The following THSD7A variants were observed in gnomAD, a reference collection of about 807,000 sequenced individuals.
THSD7A encodes thrombospondin type-1 domain-containing protein 7A.
THSD7A carries 96 observed loss-of-function variants against 231.3 expected under a neutral mutation model. The ratio of observed to expected loss-of-function variants is 0.41; its 90% CI spans 0.35 to 0.49. The LOEUF is 0.49. Ranked by LOEUF, THSD7A falls within the 20% of genes least tolerant of loss-of-function variation. The pLI, the probability that THSD7A is intolerant of heterozygous loss-of-function variation, is 0.05. For missense variants in THSD7A, 2,290 were observed against 2,070.2 expected, an observed-to-expected ratio of 1.11 and a Z score of -2.06; for synonymous variants, 940 against 743.3, an observed-to-expected ratio of 1.26 and a Z score of -4.30.
rs776978417 is a variant in THSD7A, at chr7:11,446,143, G to A, written c.2982C>T (p.Cys994=). 3.5e-5 allele frequency: 56 copies of A among 1,613,226 alleles called. No homozygotes were observed. Among genetic ancestry groups the A allele is most frequent in the Non-Finnish European group, 4.4e-5 (52 of 1,179,606 alleles). ...TTGCTTGGTAACGATATCCTTGTCC[G>A]CATTCCTTGATGTCTCCTTGTACTT... ...GMKVQGDIKE[C]GQGYRYQAMA... is the part of the protein sequence containing the mutation. The change falls in exon 13 of 28, where the codon TGC becomes TGT. Residue 994 remains cysteine, a synonymous_variant. Transcript: ENST00000423059. This position sits in a 1 kb window ranked among gnomAD's most constrained non-coding sequence, Gnocchi z 4.0.
Position 11,377,883 on chromosome 7 carries a change from GT to G in THSD7A, c.4801+1186del, listed in dbSNP as rs1406183120. On this transcript the variant is annotated intron_variant, in intron 26 of 27. Coordinates refer to ENST00000423059, the MANE Select transcript of THSD7A (RefSeq NM_015204.3). This position sits in a 1 kb window ranked among gnomAD's most constrained non-coding sequence, Gnocchi z 4.5. Reference sequence around the variant, plus strand: ...ATTCTTTTTTTTTTCAAAAGGACTGGTTTTGATCTGAGGAGATCTGCTTCAA... The same window carrying G: ...ATTCTTTTTTTTTTCAAAAGGACTGGTTTGATCTGAGGAGATCTGCTTCAA... 6.6e-6 allele frequency: 1 copy of G among 151,614 alleles called. No homozygotes were observed. The highest frequency in any genetic ancestry group is 1.5e-5 in the Non-Finnish European group (1 of 67,904). 9.4% of individuals were successfully genotyped at this position (151,614 alleles called of 1,614,324 possible). A position where few individuals can be genotyped will look rare whatever the true frequency, so the allele number is the denominator to read the frequency against.
At chr7:11,581,155 T>G (rs1353830196) in intron 4 of THSD7A, among the ~76,000 whole-genome samples, 2 of 152,090 alleles carry the variant, frequency 1.3e-5, no homozygotes, top group Non-Finnish European at 2.9e-5. Flanking sequence ...AACCAAATAA[T>G]TAATATAATG....
chr7:11,526,223 A>G (rs1000758357), intron 6 of THSD7A, among the ~76,000 whole-genome samples: 2 of 152,202 alleles, frequency 1.3e-5, no homozygotes, highest in Non-Finnish European at 2.9e-5. Flanking sequence ...ACTGTTCAGT[A>G]ACATGCCCAA....
At chr7:11,618,662 C>G (rs1017179386) in intron 2 of THSD7A, among the ~76,000 whole-genome samples, 2 of 151,918 alleles carry the variant, frequency 1.3e-5, no homozygotes, top group African/African-American at 4.8e-5. Context: ...TAGCCGGGCG[C>G]CTGTAGTCCC....
intron 1 of THSD7A, among the ~76,000 whole-genome samples, chr7:11,769,414 T>C (rs1241370104): frequency 1.3e-5 from 2 of 151,886 alleles, no homozygotes; most frequent in African/African-American, 2.4e-5. Flanking sequence ...GTTGATCCCT[T>C]GGCTGGGACT....
chr7:11,533,333 A>G (rs73286870), intron 6 of THSD7A, among the ~76,000 whole-genome samples: 12,545 of 152,174 alleles, frequency 0.082, 797 homozygotes, highest in East Asian at 0.18. Flanking sequence ...AAGAGCTCAG[A>G]ATGAAAGAAT....
At chr7:11,792,092 C>T (rs1033636963) in intron 1 of THSD7A, among the ~76,000 whole-genome samples, 11 of 152,080 alleles carry the variant, frequency 7.2e-5, no homozygotes, top group Admixed American at 2.0e-4. Context: ...ATCCTTGGAA[C>T]TGTCTCTTCC....
chr7:11,546,312 G>A (rs1789397415), intron 4 of THSD7A, among the ~76,000 whole-genome samples: 1 of 152,060 alleles, frequency 6.6e-6, no homozygotes, highest in East Asian at 1.9e-4. Context: ...CCCCAATGTA[G>A]TGCTTTTGCC....
rs1228725686 is a variant in THSD7A, at chr7:11,372,051, G to A, written c.*3743C>T. The stretch of plus-strand genomic sequence containing the variant: ...TGTGTGAGAGGTCTATTCAATTTCT[G>A]TGAGAAGGAAGACGTGAATTTACCT... On this transcript the variant is annotated 3_prime_UTR_variant, in exon 28 of 28. Transcript: ENST00000423059. 1 of 151,988 alleles carries A rather than the reference G, an allele frequency of 6.6e-6. No homozygotes were observed. Among genetic ancestry groups the A allele is most frequent in the Non-Finnish European group, 1.5e-5 (1 of 68,004 alleles). The allele number at this position is 151,988 out of a possible 1,614,324, so 9.4% of individuals were successfully genotyped here. A position where few individuals can be genotyped will look rare whatever the true frequency, so the allele number is the denominator to read the frequency against.
intron 13 of THSD7A, among the ~76,000 whole-genome samples, chr7:11,440,772 T>C (rs1410394590): frequency 6.6e-6 from 1 of 152,072 alleles, no homozygotes; most frequent in South Asian, 2.1e-4. Flanking sequence ...TAAGATGGAA[T>C]CTGCTCCGGG....
Position 11,769,121 on chromosome 7 carries a change from CAATA to C in THSD7A, c.190+62632_190+62635del, listed in dbSNP as rs765685433. 3.5e-3 allele frequency among the ~76,000 whole-genome samples: 195 copies of C among 55,964 alleles called. 29 individuals carry two copies. The highest frequency in any genetic ancestry group is 0.016 in the Middle Eastern group (1 of 62). The allele number at this position is 55,964 out of a possible 152,430, so 36.7% of individuals were successfully genotyped here. A position where few individuals can be genotyped will look rare whatever the true frequency, so the allele number is the denominator to read the frequency against. ...TACAGGCACCTGCCATAATTCCTGG[CAATA>C]TATATATATATATATATATATATAT... On this transcript the variant is annotated intron_variant, in intron 1 of 27. Transcript: ENST00000423059.
chr7:11,413,116 T>TTA (rs1315747477), intron 17 of THSD7A, among the ~76,000 whole-genome samples: 2 of 151,392 alleles, frequency 1.3e-5, no homozygotes, highest in Non-Finnish European at 2.9e-5. Context: ...ATGTGTATTA[T>TTA]TATATATATA....
At chr7:11,592,501 A>G (rs1185939176) in intron 3 of THSD7A, among the ~76,000 whole-genome samples, 1 of 152,230 alleles carries the variant, frequency 6.6e-6, no homozygotes, top group African/African-American at 2.4e-5. Context: ...CTTGGAAATT[A>G]TATTTTAATA....
chr7:11,484,879 T>A (rs1786588084), intron 6 of THSD7A, among the ~76,000 whole-genome samples: 3 of 84,824 alleles, frequency 3.5e-5, no homozygotes, highest in African/African-American at 1.5e-4. Context: ...CCTTAATTTT[T>A]TTTTTTTTTT....
intron 6 of THSD7A, among the ~76,000 whole-genome samples, chr7:11,494,357 T>A (rs1787014309): frequency 6.6e-6 from 1 of 152,012 alleles, no homozygotes; most frequent in African/African-American, 2.4e-5. Flanking sequence ...ACTGTTTTTA[T>A]TATAATTTCA....
At chr7:11,815,342 T>C (rs1233217990) in intron 1 of THSD7A, among the ~76,000 whole-genome samples, 1 of 151,880 alleles carries the variant, frequency 6.6e-6, no homozygotes, top group Non-Finnish European at 1.5e-5. Context: ...CTTAACCAGG[T>C]AGTCCACAGC....
At chr7:11,584,531 G>C (rs1308334965) in intron 4 of THSD7A, among the ~76,000 whole-genome samples, 1 of 151,988 alleles carries the variant, frequency 6.6e-6, no homozygotes, top group Non-Finnish European at 1.5e-5. Flanking sequence ...CACATAGCTT[G>C]AATGGGAACA....
intron 2 of THSD7A, among the ~76,000 whole-genome samples, chr7:11,595,179 C>T (rs1463251629): frequency 6.6e-6 from 1 of 152,212 alleles, no homozygotes; most frequent in African/African-American, 2.4e-5. Flanking sequence ...CCACCCCCAA[C>T]ACCCCTGTTT....
intron 1 of THSD7A, among the ~76,000 whole-genome samples, chr7:11,671,855 A>C (rs970001353): frequency 2.0e-5 from 3 of 152,160 alleles, no homozygotes; most frequent in African/African-American, 7.2e-5. Flanking sequence ...TTGTCTAATT[A>C]GCAGATTTCC....
Sources: allele counts gnomAD v4.1 joint callset (sites outside exome capture counted in the v4.1 genomes callset), GRCh38; gene constraint gnomAD v4.1.1; non-coding constraint Gnocchi (gnomAD v3.1); transcripts MANE v1.5; gene names NCBI Gene and HGNC (gene_info 2026-07-23, HGNC 2026-07-21).